Variants in ANXA8 observed in about 807,000 individuals in gnomAD.
The protein encoded by ANXA8 is VAC-beta.
In ANXA8, 9 loss-of-function variants were observed where a neutral mutation model predicts 26.8. That is an observed-to-expected ratio of 0.34 (90% CI 0.20 to 0.59). The LOEUF is 0.59. Ranked by LOEUF, ANXA8 falls within the 20% of genes least tolerant of loss-of-function variation. The pLI, the probability that ANXA8 is intolerant of heterozygous loss-of-function variation, is 0.84. For synonymous variants in ANXA8, 39 were observed against 94.8 expected (o/e 0.41, Z 3.42); for missense variants, 83 against 238.5 (o/e 0.35, Z 4.29).
chr10:47,733,189 C>CA, the ANXA8 span, among the ~76,000 whole-genome samples: 2 of 115,824 alleles, frequency 1.7e-5, no homozygotes, highest in Non-Finnish European at 4.0e-5. Flanking sequence ...TTCTTTCTTT[C>CA]TTTCTTTCTT....
chr10:47,687,146 T>C, the ANXA8 span, among the ~76,000 whole-genome samples: 1 of 144,484 alleles, frequency 6.9e-6, no homozygotes, highest in South Asian at 2.3e-4. Flanking sequence ...AAAATAAAGA[T>C]TTGAAGCTAA....
the ANXA8 span, among the ~76,000 whole-genome samples, chr10:47,489,315 G>A: frequency 1.4e-5 from 2 of 146,542 alleles, no homozygotes; most frequent in African/African-American, 5.0e-5. Flanking sequence ...ACCGCACCCT[G>A]CCATGTTAAA....
At chr10:47,676,015 G>A in the ANXA8 span, among the ~76,000 whole-genome samples, 1 of 151,428 alleles carries the variant, frequency 6.6e-6, no homozygotes, top group Non-Finnish European at 1.5e-5. Flanking sequence ...GAAAGGGAAG[G>A]GAGGGGAGGG....
At chr10:47,941,262 C>G in the ANXA8 span, among the ~76,000 whole-genome samples, 10 of 146,428 alleles carry the variant, frequency 6.8e-5, no homozygotes, top group African/African-American at 1.1e-4. Flanking sequence ...TACCCTCCTC[C>G]GAGAGGACCA....
the ANXA8 span, among the ~76,000 whole-genome samples, chr10:47,733,391 A>G: frequency 2.3e-5 from 3 of 128,264 alleles, no homozygotes; most frequent in African/African-American, 9.5e-5. Flanking sequence ...GTTTCTACAG[A>G]GTTTTGATAG....
chr10:47,918,356 G>GGA, the ANXA8 span, among the ~76,000 whole-genome samples: 15 of 17,742 alleles, frequency 8.5e-4, 4 homozygotes, highest in East Asian at 2.4e-3. Context: ...GGGGAGGGAG[G>GGA]GAGAGAGAGA....
At chr10:47,683,860 C>G in the ANXA8 span, among the ~76,000 whole-genome samples, 2 of 151,302 alleles carry the variant, frequency 1.3e-5, no homozygotes, top group African/African-American at 2.4e-5. Flanking sequence ...GGCATTACTA[C>G]AGGGAGTTTT....
the ANXA8 span, chr10:47,510,354 A>C: frequency 5.6e-6 from 7 of 1,258,040 alleles, no homozygotes; most frequent in Non-Finnish European, 7.4e-6. Context: ...AAGCACTAAG[A>C]TATGTCTTAC....
the ANXA8 span, among the ~76,000 whole-genome samples, chr10:47,570,934 C>T: frequency 4.0e-5 from 6 of 150,194 alleles, no homozygotes; most frequent in Non-Finnish European, 7.4e-5. Context: ...GGCATTTGGG[C>T]CTTTGACGTG....
At chr10:47,502,398 C>G in the ANXA8 span, 149 of 1,610,146 alleles carry the variant, frequency 9.3e-5, 1 homozygote, top group Admixed American at 2.5e-3. Context: ...GTAGTGGGGC[C>G]AGAAAGAGCT....
the ANXA8 span, among the ~76,000 whole-genome samples, chr10:47,646,975 AATTTAGTG>A: frequency 6.6e-6 from 1 of 152,124 alleles, no homozygotes; most frequent in Non-Finnish European, 1.5e-5. Context: ...TAGTTTGCTT[AATTTAGTG>A]GTGTTGAATA....
chr10:47,591,167 C>A, the ANXA8 span, among the ~76,000 whole-genome samples: 3 of 145,714 alleles, frequency 2.1e-5, no homozygotes, highest in Non-Finnish European at 4.4e-5. Context: ...TTAGGCTCCA[C>A]TGCTCATGCA....
chr10:47,672,352 AAAG>A, the ANXA8 span, among the ~76,000 whole-genome samples: 1 of 151,896 alleles, frequency 6.6e-6, no homozygotes, highest in Non-Finnish European at 1.5e-5. Context: ...TATATATGTT[AAAG>A]AATAATATGT....
the ANXA8 span, among the ~76,000 whole-genome samples, chr10:47,618,465 C>CT: frequency 1.6e-4 from 18 of 109,736 alleles, 4 homozygotes; most frequent in African/African-American, 6.0e-4. Context: ...TATTTGGCAT[C>CT]TTTTTTTTAA....
chr10:47,938,958 GA>G, the ANXA8 span, among the ~76,000 whole-genome samples: 1 of 142,094 alleles, frequency 7.0e-6, no homozygotes. Flanking sequence ...CCCCCATTAG[GA>G]AAAATACTCC....
chr10:47,686,216 C>G, the ANXA8 span, among the ~76,000 whole-genome samples: 1 of 148,506 alleles, frequency 6.7e-6, no homozygotes, highest in Non-Finnish European at 1.5e-5. Context: ...CCTGTAGTAG[C>G]TCCTATCACT....
chr10:47,557,949 T>C, the ANXA8 span, among the ~76,000 whole-genome samples: 1 of 151,974 alleles, frequency 6.6e-6, no homozygotes, highest in Non-Finnish European at 1.5e-5. Context: ...TAGTTTCTGC[T>C]TTTGATTTTT....
the ANXA8 span, among the ~76,000 whole-genome samples, chr10:47,892,725 AGCTAGTATCT>A: frequency 8.5e-6 from 1 of 118,086 alleles, no homozygotes; most frequent in Admixed American, 9.2e-5. Flanking sequence ...CTTGTGGTCC[AGCTAGTATCT>A]GCTCTAAGAA....
At chr10:47,751,430 A>T in the ANXA8 span, 1 of 68,960 alleles carries the variant, frequency 1.5e-5, no homozygotes, top group Non-Finnish European at 2.9e-5. Context: ...TAAATAAGGC[A>T]TAAAGATTAA....
Sources: gnomAD v4.1 joint callset for allele counts (sites outside exome capture counted in the v4.1 genomes callset) on GRCh38, gnomAD v4.1.1 for gene constraint, MANE v1.5 for transcripts, NCBI Gene and HGNC (gene_info 2026-07-23, HGNC 2026-07-21) for gene names.